Variants in UBE3A observed in about 807,000 individuals in gnomAD.
UBE3A encodes the protein ubiquitin-protein ligase E3A.
In UBE3A, 6 loss-of-function variants were observed where a neutral mutation model predicts 83.4. The ratio of observed to expected loss-of-function variants is 0.07; its 90% CI spans 0.04 to 0.14. The LOEUF (loss-of-function observed/expected upper bound fraction) is 0.14. Ranked by LOEUF, UBE3A falls within the 10% of genes least tolerant of loss-of-function variation. UBE3A has a pLI of 1.00. For missense variants in UBE3A, 456 were observed against 1,036.1 expected, an observed-to-expected ratio of 0.44 and a Z score of 7.69; for synonymous variants, 337 against 355.4, an observed-to-expected ratio of 0.95 and a Z score of 0.58.
chr15:25,339,282 A>C, intron 12 of UBE3A, 25 bp from the exon 13 acceptor site: 1 of 1,609,604 alleles, frequency 6.2e-7, no homozygotes, highest in Non-Finnish European at 8.5e-7. Context: ...GGGGAAAAAA[A>C]CAGGAAAACT....
At chr15:25,397,641 T>A (rs546678286) in intron 4 of UBE3A, among the ~76,000 whole-genome samples, 27 of 152,154 alleles carry the variant, frequency 1.8e-4, no homozygotes, top group Non-Finnish European at 4.0e-4. Flanking sequence ...ATTCTTCTAA[T>A]TCCCTGTATT....
intron 1 of UBE3A, among the ~76,000 whole-genome samples, chr15:25,412,351 C>T (rs1392550018): frequency 6.6e-6 from 1 of 152,178 alleles, no homozygotes; most frequent in African/African-American, 2.4e-5. Flanking sequence ...TGCTAAGCAT[C>T]GGCTATGTTA....
rs1465393471 is a variant in UBE3A, at chr15:25,334,120, A to G, written c.*5017T>C. On this transcript the variant is annotated 3_prime_UTR_variant, in exon 13 of 13. Transcript: ENST00000648336. The stretch of plus-strand genomic sequence containing the variant: ...CACACTAAGGCAAGAAAATGAAATA[A>G]TAGGAATCTAGACTGGAAAGGAAGA... 6.6e-6 allele frequency: 1 copy of G among 152,180 alleles called. No homozygotes were observed. The highest frequency in any genetic ancestry group is 1.5e-5 in the Non-Finnish European group (1 of 68,024). 9.4% of individuals were successfully genotyped at this position (152,180 alleles called of 1,614,324 possible).
Position 25,436,104 on chromosome 15 carries a change from C to T in UBE3A, c.-165+2385G>A, listed in dbSNP as rs190309479. ...TAATTCCAAAGATATTACCACTATA[C>T]ATACCAAGATGTCTTGTTACTACAT... On this transcript the variant is annotated intron_variant, in intron 1 of 12. Transcript: ENST00000648336. 2.9e-3 allele frequency among the ~76,000 whole-genome samples: 445 copies of T among 152,234 alleles called. 1 individual carries two copies. Among genetic ancestry groups the T allele is most frequent in the Non-Finnish European group, 4.9e-3 (330 of 68,004 alleles).
At chr15:25,378,141 G>A (rs1451254641) in intron 4 of UBE3A, among the ~76,000 whole-genome samples, 2 of 152,118 alleles carry the variant, frequency 1.3e-5, no homozygotes, top group Middle Eastern at 3.4e-3. Flanking sequence ...AATTGTCTCT[G>A]ATTTTTAAAA....
At chr15:25,360,339 C>G in intron 7 of UBE3A, 44 bp downstream of exon 7, 1 of 1,611,276 alleles carries the variant, frequency 6.2e-7, no homozygotes, top group South Asian at 1.1e-5. Context: ...ATAACTAACT[C>G]AAAAGATGAT....
intron 5 of UBE3A, chr15:25,373,840 C>T (rs1398773089): frequency 6.6e-6 from 1 of 152,098 alleles, no homozygotes. Flanking sequence ...TCAAAAAACA[C>T]TGTAATTAGA....
rs1027816965 is a variant in UBE3A, at chr15:25,337,351, T to G, written c.*1786A>C. The G allele has an allele frequency of 6.6e-6, 1 of 152,130 alleles. No individual in the cohort carries two copies. Among genetic ancestry groups the G allele is most frequent in the African/African-American group, 2.4e-5 (1 of 41,446 alleles). 9.4% of individuals were successfully genotyped at this position (152,130 alleles called of 1,614,324 possible). ...GTGGATGAGAAGCCTTTAAGATGAC[T>G]ACAGTTGCACGAAGGTCCCTTTCAT... On this transcript the variant is annotated 3_prime_UTR_variant, in exon 13 of 13. Coordinates refer to ENST00000648336, the MANE Select transcript of UBE3A (RefSeq NM_130839.5).
At chr15:25,422,275 A>C (rs1890062090) in intron 1 of UBE3A, among the ~76,000 whole-genome samples, 1 of 152,066 alleles carries the variant, frequency 6.6e-6, no homozygotes, top group Non-Finnish European at 1.5e-5. Context: ...AAGAGGGAGA[A>C]ATGACTACAG....
At chr15:25,364,078 T>TAAAAAAC (rs1000824737) in intron 6 of UBE3A, among the ~76,000 whole-genome samples, 1 of 74,228 alleles carries the variant, frequency 1.3e-5, no homozygotes, top group Non-Finnish European at 3.1e-5. Context: ...AAATAAAAAA[T>TAAAAAAC]AGTGGGGGGT....
chr15:25,385,193 T>C (rs557279846), intron 4 of UBE3A, among the ~76,000 whole-genome samples: 6 of 152,350 alleles, frequency 3.9e-5, no homozygotes, highest in Admixed American at 3.3e-4. Flanking sequence ...AATATTTCTA[T>C]ACCATGTATC....
intron 2 of UBE3A, among the ~76,000 whole-genome samples, chr15:25,410,898 T>C (rs925238297): frequency 6.6e-6 from 1 of 152,204 alleles, no homozygotes; most frequent in Non-Finnish European, 1.5e-5. Flanking sequence ...AGCTTCCCCT[T>C]GGGTTCTCAA....
chr15:25,353,102 A>ACAGAGAG (rs753546645), intron 11 of UBE3A, among the ~76,000 whole-genome samples: 16 of 152,174 alleles, frequency 1.1e-4, no homozygotes, highest in Non-Finnish European at 2.4e-4. Flanking sequence ...TATTGCTGTT[A>ACAGAGAG]TACTCCTTGT....
At chr15:25,427,254 C>G (rs1054221246) in intron 1 of UBE3A, among the ~76,000 whole-genome samples, 2 of 151,944 alleles carry the variant, frequency 1.3e-5, no homozygotes, top group African/African-American at 4.8e-5. Context: ...ACTCAGAATT[C>G]AATTAACAGT....
intron 4 of UBE3A, among the ~76,000 whole-genome samples, chr15:25,403,698 C>G (rs2087731681): frequency 6.6e-6 from 1 of 152,092 alleles, no homozygotes; most frequent in Non-Finnish European, 1.5e-5. Context: ...ATGGAAGCAA[C>G]CTGAGCGCTC....
At chr15:25,380,475 G>A (rs1434727422) in intron 4 of UBE3A, among the ~76,000 whole-genome samples, 1 of 151,938 alleles carries the variant, frequency 6.6e-6, no homozygotes, top group African/African-American at 2.4e-5. Flanking sequence ...TAATCATTTG[G>A]CCTCTTAACT....
intron 4 of UBE3A, among the ~76,000 whole-genome samples, chr15:25,404,051 G>A (rs116868056): frequency 0.025 from 3,754 of 152,200 alleles, 71 homozygotes; most frequent in Non-Finnish European, 0.037. Flanking sequence ...TAATACCATT[G>A]AGCCAAATAC....
chr15:25,361,647 G>C (rs1207758634), intron 6 of UBE3A, among the ~76,000 whole-genome samples: 1 of 151,938 alleles, frequency 6.6e-6, no homozygotes, highest in African/African-American at 2.4e-5. Context: ...ACTGTATCCA[G>C]TACATGGATG....
intron 2 of UBE3A, among the ~76,000 whole-genome samples, chr15:25,409,685 G>T (rs1453420450): frequency 6.6e-6 from 1 of 152,092 alleles, no homozygotes; most frequent in East Asian, 1.9e-4. Flanking sequence ...TGGGTTTCAA[G>T]ATTTAAGTAT....
Sources: allele counts gnomAD v4.1 joint callset (sites outside exome capture counted in the v4.1 genomes callset), GRCh38; gene constraint gnomAD v4.1.1; transcripts MANE v1.5; gene names NCBI Gene and HGNC (gene_info 2026-07-23, HGNC 2026-07-21).